AQP9: variants seen among roughly 807,000 people sequenced by gnomAD.
AQP9 encodes the protein aquaporin-9.
A neutral mutation model predicts 23.8 loss-of-function variants in AQP9; 19 were observed. That is an observed-to-expected ratio of 0.80 (90% CI 0.56 to 1.17). The LOEUF (loss-of-function observed/expected upper bound fraction) is 1.17. AQP9 is among the 50% of genes most tolerant of loss of function. The probability of loss-of-function intolerance (pLI) is 0.00; values close to 1 mark genes in which losing one functional copy is unlikely to be tolerated. For synonymous variants in AQP9, 153 were observed against 131.5 expected, an observed-to-expected ratio of 1.16 and a Z score of -1.12; for missense variants, 413 against 362.0, an observed-to-expected ratio of 1.14 and a Z score of -1.14.
At chr15:58,179,103 C>T in intron 4 of AQP9, 25 bp from the exon 5 acceptor site, 1 of 1,545,480 alleles carries the variant, frequency 6.5e-7, no homozygotes, top group Non-Finnish European at 8.9e-7. Context: ...AGGCTAAAGC[C>T]CTGGCTCAAC....
At chr15:58,164,737 A>T (rs566505212) in intron 1 of AQP9, among the ~76,000 whole-genome samples, 11 of 152,260 alleles carry the variant, frequency 7.2e-5, no homozygotes, top group African/African-American at 2.6e-4. Flanking sequence ...GGGACATGAA[A>T]GCATCATCTA....
At chr15:58,165,877 T>C (rs1406241851) in intron 1 of AQP9, among the ~76,000 whole-genome samples, 1 of 152,198 alleles carries the variant, frequency 6.6e-6, no homozygotes, top group Non-Finnish European at 1.5e-5. Flanking sequence ...CCAGAGGGAA[T>C]ACAAGAAGCA....
intron 5 of AQP9, among the ~76,000 whole-genome samples, chr15:58,182,593 T>C (rs1187149680): frequency 6.6e-6 from 1 of 152,146 alleles, no homozygotes; most frequent in East Asian, 1.9e-4. Flanking sequence ...TAGAGAAGAC[T>C]TCAAGTCTTT....
In AQP9 at chr15:58,138,804, A is replaced by G; in HGVS notation, c.111+128A>G. 3.8e-6 allele frequency: 3 copies of G among 782,864 alleles called. No individual in the cohort carries two copies. In the South Asian group the frequency reaches 5.2e-5, roughly 14 times the overall value. The allele number at this position is 782,864 out of a possible 1,614,324, so 48.5% of individuals were successfully genotyped here. ...GGGATCAGATTCATCTTTTCCAGGA[A>G]GAAACAAGTTACTAGAGGCTGTTTG... On this transcript the variant is annotated intron_variant, in intron 1 of 5. Coordinates refer to ENST00000219919, the MANE Select transcript of AQP9 (RefSeq NM_020980.5).
intron 4 of AQP9, among the ~76,000 whole-genome samples, chr15:58,178,618 G>C (rs748008647): frequency 3.9e-5 from 6 of 152,138 alleles, no homozygotes; most frequent in African/African-American, 7.2e-5. Context: ...ATATTGTTTG[G>C]ATTTATTTTA....
At chr15:58,142,170 C>T (rs1897962681) in intron 1 of AQP9, among the ~76,000 whole-genome samples, 1 of 152,186 alleles carries the variant, frequency 6.6e-6, no homozygotes, top group Non-Finnish European at 1.5e-5. Context: ...TTGAGCAGCA[C>T]AGAGTGTTCG....
rs536480649 is a variant in AQP9 at position 58,166,790 on chromosome 15, G to A, written c.229G>A (p.Gly77Ser). ...TGCAATGGCCATTTATGTGGCTGGCGGTGTCTCTGGTAAGCAGTAGAAATA... is the reference window on the plus strand; with the variant it reads ...TGCAATGGCCATTTATGTGGCTGGCAGTGTCTCTGGTAAGCAGTAGAAATA... Reference protein sequence around the residue: ...AVAMAIYVAGGVSGGHINPAV... With the variant: ...AVAMAIYVAGSVSGGHINPAV... Residue 77 changes from glycine (G) to serine (S), a missense_variant, in exon 2 of 6, where the codon GGT (glycine) becomes AGT (serine). Gly to Ser is a moderately conservative substitution (Grantham distance 56, BLOSUM62 0). Coordinates refer to ENST00000219919, the MANE Select transcript of AQP9 (RefSeq NM_020980.5). The A allele has an allele frequency of 1.4e-5, 22 of 1,613,536 alleles. No individual in the cohort carries two copies. The highest frequency in any genetic ancestry group is 1.6e-4 in the Middle Eastern group (1 of 6,078).
At chr15:58,161,505 A>T (rs551571380) in intron 1 of AQP9, among the ~76,000 whole-genome samples, 8 of 152,296 alleles carry the variant, frequency 5.3e-5, no homozygotes, top group Admixed American at 5.2e-4. Context: ...AATAGTCAAA[A>T]CAACTTGAAG....
intron 1 of AQP9, among the ~76,000 whole-genome samples, chr15:58,154,787 T>A (rs1001977211): frequency 5.3e-5 from 8 of 152,010 alleles, no homozygotes; most frequent in African/African-American, 1.7e-4. Context: ...GCACCACTAA[T>A]AATTAACCCT....
chr15:58,156,387 T>C (rs1219030580), intron 1 of AQP9, among the ~76,000 whole-genome samples: 73 of 152,174 alleles, frequency 4.8e-4, no homozygotes, highest in African/African-American at 2.4e-5. Context: ...TCTGCATACA[T>C]ATAACCACGT....
At chr15:58,148,322 C>G (rs1304750369) in intron 1 of AQP9, among the ~76,000 whole-genome samples, 2 of 152,220 alleles carry the variant, frequency 1.3e-5, no homozygotes, top group Admixed American at 6.5e-5. Flanking sequence ...CTTTAATGTT[C>G]TCTGTAAATC....
chr15:58,182,819 C>A (rs1368685157), intron 5 of AQP9, among the ~76,000 whole-genome samples: 2 of 152,070 alleles, frequency 1.3e-5, no homozygotes, highest in African/African-American at 4.8e-5. Flanking sequence ...CACTTAGGTG[C>A]CCCAGGTGGA....
intron 5 of AQP9, 29 bp downstream of exon 5, chr15:58,179,374 A>G: frequency 6.3e-7 from 1 of 1,583,478 alleles, no homozygotes; most frequent in South Asian, 1.1e-5. Context: ...GAAGAGAGAG[A>G]CAGAGTCATG....
chr15:58,144,540 T>C (rs1327516650), intron 1 of AQP9, among the ~76,000 whole-genome samples: 7 of 152,232 alleles, frequency 4.6e-5, no homozygotes, highest in Non-Finnish European at 8.8e-5. Context: ...TTGTTGTTGT[T>C]GTTGTCTTTC....
At chr15:58,171,011 G>A (rs1898608280) in intron 2 of AQP9, among the ~76,000 whole-genome samples, 1 of 151,870 alleles carries the variant, frequency 6.6e-6, no homozygotes, top group African/African-American at 2.4e-5. Context: ...TGCAACTTCT[G>A]CCTCCTGGGT....
intron 3 of AQP9, among the ~76,000 whole-genome samples, chr15:58,173,757 A>T (rs1230820190): frequency 6.6e-6 from 1 of 152,214 alleles, no homozygotes; most frequent in Non-Finnish European, 1.5e-5. Flanking sequence ...ATACCTGTGC[A>T]ACTTAAATAA....
chr15:58,166,624 T>C, intron 1 of AQP9, 49 bp from the exon 2 acceptor site: 1 of 1,556,546 alleles, frequency 6.4e-7, no homozygotes, highest in Non-Finnish European at 8.7e-7. Context: ...TCCATTACTT[T>C]TGACAGTAGC....
At chr15:58,172,085 G>A (rs796181295) in intron 2 of AQP9, among the ~76,000 whole-genome samples, 2 of 152,230 alleles carry the variant, frequency 1.3e-5, no homozygotes, top group East Asian at 1.9e-4. Flanking sequence ...TTATAAACAC[G>A]GTGAAGATGG....
chr15:58,167,489 C>T (rs1258108700), intron 2 of AQP9, among the ~76,000 whole-genome samples: 4 of 152,190 alleles, frequency 2.6e-5, no homozygotes, highest in African/African-American at 9.7e-5. Context: ...AGAAACCATG[C>T]ATGCTGAGCA....
Sources: gnomAD v4.1 joint callset for allele counts (sites outside exome capture counted in the v4.1 genomes callset) on GRCh38, gnomAD v4.1.1 for gene constraint, MANE v1.5 for transcripts, NCBI Gene and HGNC (gene_info 2026-07-23, HGNC 2026-07-21) for gene names.